The following RNF2 variants were observed in gnomAD, a reference collection of about 807,000 sequenced individuals.
RNF2 encodes ring finger protein 2, also known as E3 ubiquitin-protein ligase RING2.
A neutral mutation model predicts 37.2 loss-of-function variants in RNF2; 6 were observed. The observed-to-expected ratio is 0.16, with a 90% CI of 0.09 to 0.32. The LOEUF (loss-of-function observed/expected upper bound fraction) is 0.32, where lower values mean the gene tolerates loss of function less well. RNF2 is among the 10% of genes least tolerant of loss of function. RNF2 has a pLI of 1.00. For synonymous variants in RNF2, 133 were observed against 132.7 expected (o/e 1.00, Z -0.02); for missense variants, 251 against 404.0 (o/e 0.62, Z 3.25).
chr1:185,054,462 A>G (rs567391067), intron 1 of RNF2, among the ~76,000 whole-genome samples: 41 of 152,280 alleles, frequency 2.7e-4, no homozygotes, highest in African/African-American at 8.9e-4. Flanking sequence ...AATACTGGCA[A>G]GCAGGCCTTC....
intron 1 of RNF2, among the ~76,000 whole-genome samples, chr1:185,062,136 G>A (rs1344992198): frequency 6.6e-6 from 1 of 152,206 alleles, no homozygotes; most frequent in African/African-American, 2.4e-5. Context: ...TGCTTTTGAG[G>A]AAGAAAGAGG....
At chr1:185,049,800 T>C (rs1489403293) in intron 1 of RNF2, among the ~76,000 whole-genome samples, 3 of 152,104 alleles carry the variant, frequency 2.0e-5, no homozygotes, top group African/African-American at 7.2e-5. Flanking sequence ...CTAGTACTTA[T>C]AAAGGCATGT....
At chr1:185,077,776 T>C (rs1347990067) in intron 1 of RNF2, among the ~76,000 whole-genome samples, 1 of 152,040 alleles carries the variant, frequency 6.6e-6, no homozygotes, top group Non-Finnish European at 1.5e-5. Context: ...TTTTCCCCTT[T>C]TACTTTGTTT....
intron 1 of RNF2, among the ~76,000 whole-genome samples, chr1:185,053,034 TAAG>T (rs1189944522): frequency 6.6e-6 from 1 of 152,132 alleles, no homozygotes; most frequent in Non-Finnish European, 1.5e-5. Flanking sequence ...ACTGAGGAAT[TAAG>T]AAGTTTAAAT....
intron 1 of RNF2, among the ~76,000 whole-genome samples, chr1:185,056,369 T>A (rs552951017): frequency 1.5e-3 from 221 of 151,772 alleles, no homozygotes; most frequent in Middle Eastern, 3.4e-3. Flanking sequence ...TTTTTCTCAT[T>A]TTTTTTAGAG....
At chr1:185,065,707 C>T (rs1004567081) in intron 1 of RNF2, among the ~76,000 whole-genome samples, 4 of 152,240 alleles carry the variant, frequency 2.6e-5, no homozygotes, top group African/African-American at 9.6e-5. Context: ...GACACACCAT[C>T]TTTAAGAGCT....
intron 1 of RNF2, among the ~76,000 whole-genome samples, chr1:185,082,315 G>C (rs1421300234): frequency 7.1e-6 from 1 of 140,248 alleles, no homozygotes; most frequent in Non-Finnish European, 1.5e-5. Flanking sequence ...TATGCTCCGC[G>C]TCTTCAAGGT....
chr1:185,060,586 T>C (rs1446079864), intron 1 of RNF2, among the ~76,000 whole-genome samples: 1 of 152,166 alleles, frequency 6.6e-6, no homozygotes, highest in Non-Finnish European at 1.5e-5. Context: ...GAATTTAGTG[T>C]AGAGTTGATA....
At chr1:185,071,956 G>A (rs559042572) in intron 1 of RNF2, 2 of 152,510 alleles carry the variant, frequency 1.3e-5, no homozygotes, top group South Asian at 2.1e-4. Context: ...TCATGGCAAA[G>A]CCATATCATT....
chr1:185,072,898 C>T (rs1051135205), intron 1 of RNF2, among the ~76,000 whole-genome samples: 4 of 152,090 alleles, frequency 2.6e-5, no homozygotes, highest in Non-Finnish European at 5.9e-5. Context: ...CGAGATTGTG[C>T]CACTGCACTC....
At chr1:185,081,162 C>T (rs1455437969) in intron 1 of RNF2, among the ~76,000 whole-genome samples, 1 of 152,106 alleles carries the variant, frequency 6.6e-6, no homozygotes, top group Admixed American at 6.5e-5. Context: ...AAAATAGGAA[C>T]CATTACAGTC....
intron 1 of RNF2, among the ~76,000 whole-genome samples, chr1:185,079,005 G>T (rs1651259987): frequency 6.6e-6 from 1 of 151,766 alleles, no homozygotes; most frequent in South Asian, 2.1e-4. Context: ...AGATCATTCT[G>T]AATATCTTAT....
At chr1:185,097,107 G>C (rs1651934431) in intron 4 of RNF2, among the ~76,000 whole-genome samples, 1 of 152,036 alleles carries the variant, frequency 6.6e-6, no homozygotes, top group Admixed American at 6.6e-5. Context: ...ATTTAATCTT[G>C]TACCTGAGTT....
At chr1:185,072,442 G>C (rs980765561) in intron 1 of RNF2, among the ~76,000 whole-genome samples, 15 of 152,070 alleles carry the variant, frequency 9.9e-5, no homozygotes, top group Admixed American at 3.9e-4. Context: ...AAAAATCTTA[G>C]AGGCTATAAA....
chr1:185,100,811 C>T lies in RNF2; in HGVS notation c.*510C>T, dbSNP rs1246175872. 1 of 152,314 alleles carries T rather than the reference C, an allele frequency of 6.6e-6. No homozygotes were observed. Among genetic ancestry groups the T allele is most frequent in the African/African-American group, 2.4e-5 (1 of 41,384 alleles). 9.4% of individuals were successfully genotyped at this position (152,314 alleles called of 1,614,324 possible). A position where few individuals can be genotyped will look rare whatever the true frequency, so the allele number is the denominator to read the frequency against. ...ATTTACTGTCCTTAAAAACAATTCT[C>T]ATAGGATTATTCTTTTCATGGTATT... On this transcript the variant is annotated 3_prime_UTR_variant, in exon 7 of 7. Coordinates refer to ENST00000367510, the MANE Select transcript of RNF2 (RefSeq NM_007212.4).
intron 1 of RNF2, among the ~76,000 whole-genome samples, chr1:185,059,781 A>T (rs1279821951): frequency 2.0e-5 from 3 of 152,230 alleles, no homozygotes; most frequent in Non-Finnish European, 4.4e-5. Flanking sequence ...AAAGAATATG[A>T]AAATTATATT....
chr1:185,054,790 C>T (rs563180438), intron 1 of RNF2, among the ~76,000 whole-genome samples: 1 of 152,294 alleles, frequency 6.6e-6, no homozygotes, highest in East Asian at 1.9e-4. Context: ...CTCCGCCTGC[C>T]GGGGTCAAGC....
intron 1 of RNF2, among the ~76,000 whole-genome samples, chr1:185,061,273 G>T (rs965138324): frequency 1.3e-5 from 2 of 151,514 alleles, no homozygotes; most frequent in Admixed American, 1.3e-4. Context: ...GACTACAGGC[G>T]CCCGCCACCA....
At chr1:185,097,495 A>G (rs951860272) in intron 4 of RNF2, among the ~76,000 whole-genome samples, 4 of 152,254 alleles carry the variant, frequency 2.6e-5, no homozygotes, top group South Asian at 2.1e-4. Context: ...TGATCAGAAT[A>G]TAAAGATTTG....
Sources: allele counts gnomAD v4.1 joint callset (sites outside exome capture counted in the v4.1 genomes callset), GRCh38; gene constraint gnomAD v4.1.1; transcripts MANE v1.5; gene names NCBI Gene and HGNC (gene_info 2026-07-23, HGNC 2026-07-21).